The following ATP2A2 variants were observed in gnomAD, a reference collection of about 807,000 sequenced individuals.
ATP2A2 encodes ATPase sarcoplasmic/endoplasmic reticulum Ca2+ transporting 2.
In ATP2A2, 14 loss-of-function variants were observed where a neutral mutation model predicts 109.3. That is an observed-to-expected ratio of 0.13 (90% confidence interval 0.08 to 0.20). ATP2A2 has a LOEUF of 0.20. ATP2A2 is among the 10% of genes least tolerant of loss of function. The pLI, the probability that ATP2A2 is intolerant of heterozygous loss-of-function variation, is 1.00. For synonymous variants in ATP2A2, 506 were observed against 490.9 expected, an observed-to-expected ratio of 1.03 and a Z score of -0.41; for missense variants, 657 against 1,321.6, an observed-to-expected ratio of 0.50 and a Z score of 7.80.
At chr12:110,333,768 G>A (rs1392310799) in intron 10 of ATP2A2, among the ~76,000 whole-genome samples, 4 of 152,120 alleles carry the variant, frequency 2.6e-5, no homozygotes, top group Non-Finnish European at 4.4e-5. Flanking sequence ...TAAATACTGT[G>A]TTTGATGTCA....
intron 5 of ATP2A2, 122 bp from the exon 6 acceptor site, chr12:110,322,870 G>GT (rs1213427233): frequency 1.3e-6 from 1 of 764,784 alleles, no homozygotes; most frequent in East Asian, 2.6e-5. Context: ...TGAATTTTAT[G>GT]TATTTGTGTT....
chr12:110,334,835 A>G (rs1395023653), intron 11 of ATP2A2, among the ~76,000 whole-genome samples: 1 of 151,782 alleles, frequency 6.6e-6, no homozygotes, highest in Non-Finnish European at 1.5e-5. Context: ...TGATCCGCCC[A>G]CCTCGGCCTC....
chr12:110,325,851 G>C (rs946599008), intron 6 of ATP2A2: 1 of 160,150 alleles, frequency 6.2e-6, no homozygotes, highest in Non-Finnish European at 1.4e-5. Flanking sequence ...AACCCGGCGT[G>C]GTATTGGGTG....
chr12:110,321,007 G>A (rs964333622), intron 5 of ATP2A2, among the ~76,000 whole-genome samples: 2 of 152,204 alleles, frequency 1.3e-5, no homozygotes, highest in Admixed American at 6.5e-5. Context: ...GCAGGTGGAT[G>A]CCTGAGGTCA....
intron 5 of ATP2A2, among the ~76,000 whole-genome samples, chr12:110,307,770 CAATTATTTTCTCCAATTCTGT>C (rs1377361023): frequency 6.7e-6 from 1 of 149,600 alleles, no homozygotes; most frequent in Non-Finnish European, 1.5e-5. Flanking sequence ...GCATAGTTTG[CAATTATTTTCTCCAATTCTGT>C]AGGTTGTCAG....
At chr12:110,283,406 GA>G (rs1872348471) in intron 3 of ATP2A2, among the ~76,000 whole-genome samples, 1 of 152,118 alleles carries the variant, frequency 6.6e-6, no homozygotes, top group Non-Finnish European at 1.5e-5. Context: ...GATCTTAAAG[GA>G]AAAAAACCAG....
chr12:110,333,073 T>A (rs758990916), intron 9 of ATP2A2, 108 bp from the exon 10 acceptor site: 6 of 991,628 alleles, frequency 6.1e-6, no homozygotes, highest in African/African-American at 1.6e-5. Context: ...CAGTATGTTG[T>A]CCCAGAAATT....
chr12:110,283,360 A>T (rs1235998706), intron 3 of ATP2A2, among the ~76,000 whole-genome samples: 2 of 152,156 alleles, frequency 1.3e-5, no homozygotes, highest in Admixed American at 1.3e-4. Context: ...AGTGATTCTT[A>T]GGTTGAAAGA....
At chr12:110,310,611 T>G (rs1447441087) in intron 5 of ATP2A2, among the ~76,000 whole-genome samples, 1 of 152,252 alleles carries the variant, frequency 6.6e-6, no homozygotes, top group East Asian at 1.9e-4. Context: ...GTATATACTC[T>G]GGAGCGAATC....
chr12:110,345,467 GATC>G, intron 18 of ATP2A2, 85 bp downstream of exon 18: 5 of 1,574,276 alleles, frequency 3.2e-6, no homozygotes, highest in Non-Finnish European at 4.4e-6. Flanking sequence ...GTTGATTGAG[GATC>G]ACAGGACAGT....
Position 110,349,273 on chromosome 12 carries a change from C to G in ATP2A2, c.*2803C>G, listed in dbSNP as rs1880176460. 1 of 985,452 alleles carries G rather than the reference C, an allele frequency of 1.0e-6. No homozygotes were observed. Among genetic ancestry groups the G allele is most frequent in the Non-Finnish European group, 1.2e-6 (1 of 830,016 alleles). 61.0% of individuals were successfully genotyped at this position (985,452 alleles called of 1,614,324 possible). A position where few individuals can be genotyped will look rare whatever the true frequency, so the allele number is the denominator to read the frequency against. ...CACATCCCTGGCCTCAGGCCCTCAC[C>G]TAACAGTGAGGCAGCAGCTGCCCAG... On this transcript the variant is annotated 3_prime_UTR_variant, in exon 20 of 20. Transcript: ENST00000539276.
chr12:110,327,481 C>G lies in ATP2A2; in HGVS notation c.631-72C>G. 1 of 1,460,774 alleles carries G rather than the reference C, an allele frequency of 6.8e-7. No individual in the cohort carries two copies. The highest frequency in any genetic ancestry group is 9.6e-7 in the Non-Finnish European group (1 of 1,040,942). 90.5% of individuals were successfully genotyped at this position (1,460,774 alleles called of 1,614,324 possible). On this transcript the variant is annotated intron_variant, in intron 7 of 19. Transcript: ENST00000539276. The surrounding 1 kb of genome is among the most constrained non-coding windows in gnomAD (Gnocchi z 4.4). ...GTGTAGAGAATCTGGGTGCCCTAGT[C>G]AAAAACCAGCGTCGGTATTTAAGTT...
At chr12:110,322,886 C>CAG in intron 5 of ATP2A2, 106 bp from the exon 6 acceptor site, 1 of 830,594 alleles carries the variant, frequency 1.2e-6, no homozygotes, top group Non-Finnish European at 2.1e-6. Flanking sequence ...GTGTTATATG[C>CAG]AGATCATTTA....
At chr12:110,338,952 C>T (rs1353950538) in intron 11 of ATP2A2, among the ~76,000 whole-genome samples, 1 of 152,182 alleles carries the variant, frequency 6.6e-6, no homozygotes, top group African/African-American at 2.4e-5. Flanking sequence ...TCACCACCAC[C>T]CACTGGGTTC....
intron 5 of ATP2A2, among the ~76,000 whole-genome samples, chr12:110,306,450 CAGATGATGAGTAT>C (rs931930090): frequency 8.5e-5 from 13 of 152,096 alleles, no homozygotes; most frequent in African/African-American, 1.2e-4. Flanking sequence ...TCCTGTCATC[CAGATGATGAGTAT>C]AGATGATGAG....
At chr12:110,293,385 T>TTTTGTTTGTTTG (rs1223120062) in intron 4 of ATP2A2, among the ~76,000 whole-genome samples, 1 of 114,360 alleles carries the variant, frequency 8.7e-6, no homozygotes, top group Non-Finnish European at 1.7e-5. Flanking sequence ...TTTTTTTTTT[T>TTTTGTTTGTTTG]TTTGTTTGTT....
In ATP2A2 at chr12:110,347,035, CCT is replaced by C. The variant is rs1879936397; in HGVS notation, c.*569_*570del. The C allele has an allele frequency of 9.6e-7, 1 of 1,044,326 alleles. No individual in the cohort carries two copies. Among genetic ancestry groups the C allele is most frequent in the Non-Finnish European group, 1.2e-6 (1 of 865,322 alleles). 64.7% of individuals were successfully genotyped at this position (1,044,326 alleles called of 1,614,324 possible). On this transcript the variant is annotated 3_prime_UTR_variant, in exon 20 of 20. Transcript: ENST00000539276. ...CCTCCGTTCACCCCACCCCACCCCA[CCT>C]CTCCCCACCTTACCCCCGCCCCGCT...
intron 6 of ATP2A2, among the ~76,000 whole-genome samples, chr12:110,323,435 TC>T (rs1263806926): frequency 6.6e-6 from 1 of 152,156 alleles, no homozygotes; most frequent in Non-Finnish European, 1.5e-5. Context: ...TCCACCTGCC[TC>T]GGCCTCCCAA....
At chr12:110,285,476 A>G (rs1339434407) in intron 3 of ATP2A2, among the ~76,000 whole-genome samples, 1 of 152,150 alleles carries the variant, frequency 6.6e-6, no homozygotes, top group Non-Finnish European at 1.5e-5. Flanking sequence ...TAAGATATTT[A>G]TTGAGCACCT....
Sources: allele counts gnomAD v4.1 joint callset (sites outside exome capture counted in the v4.1 genomes callset), GRCh38; gene constraint gnomAD v4.1.1; non-coding constraint Gnocchi (gnomAD v3.1); transcripts MANE v1.5; gene names NCBI Gene and HGNC (gene_info 2026-07-23, HGNC 2026-07-21).